Variants in ABCC5 observed in about 807,000 individuals in gnomAD.
The protein encoded by ABCC5 is ATP-binding cassette sub-family C member 5.
A neutral mutation model predicts 160.9 loss-of-function variants in ABCC5; 61 were observed. That is an observed-to-expected ratio of 0.38 (90% confidence interval 0.31 to 0.47). ABCC5 has a LOEUF of 0.47. Ranked by LOEUF, ABCC5 falls within the 20% of genes least tolerant of loss-of-function variation. ABCC5 has a pLI of 0.99. For synonymous variants in ABCC5, 666 were observed against 700.6 expected (o/e 0.95, Z 0.78); for missense variants, 1,308 against 1,813.3 (o/e 0.72, Z 5.06).
intron 26 of ABCC5, 91 bp from the exon 27 acceptor site, chr3:183,928,916 T>C (rs1017376003): frequency 1.2e-5 from 13 of 1,048,990 alleles, no homozygotes; most frequent in Admixed American, 5.7e-5. Flanking sequence ...CACACATGCA[T>C]AGGGAGAGAA....
At position 183,951,539 on chromosome 3, in the gene ABCC5, T is replaced by A; in HGVS notation, c.2846A>T (p.Asp949Val). 1 of 1,614,214 alleles carries A rather than the reference T, an allele frequency of 6.2e-7. No individual in the cohort carries two copies. Among genetic ancestry groups the A allele is most frequent in the Non-Finnish European group, 8.5e-7 (1 of 1,180,040 alleles). ...GTLRASSRLHDELFRRILRSP... is the reference protein window; with the variant it reads ...GTLRASSRLHVELFRRILRSP... Reference sequence around the variant, plus strand: ...TCGAAGGATCCTTCGGAAAAGCTCGTCATGCAGCCGGGAGGAAGCTCGCAG... The same window carrying A: ...TCGAAGGATCCTTCGGAAAAGCTCGACATGCAGCCGGGAGGAAGCTCGCAG... The change falls in exon 20 of 30, where the codon GAC (aspartate) becomes GTC (valine). Residue 949 changes from aspartate to valine, a missense_variant. By Grantham distance (152) the Asp-to-Val change is radical. Coordinates refer to ENST00000334444, the MANE Select transcript of ABCC5 (RefSeq NM_005688.4). This position sits in a 1 kb window ranked among gnomAD's most constrained non-coding sequence, Gnocchi z 4.7.
At chr3:183,925,749 C>G (rs758404388) in intron 28 of ABCC5, 30 bp from the exon 29 acceptor site, 45 of 1,599,700 alleles carry the variant, frequency 2.8e-5, no homozygotes, top group Non-Finnish European at 3.8e-5. Context: ...GAAAGAAACT[C>G]GATTAAATTC....
intron 10 of ABCC5, among the ~76,000 whole-genome samples, chr3:183,974,026 C>T (rs1718000766): frequency 6.6e-6 from 1 of 152,204 alleles, no homozygotes; most frequent in South Asian, 2.1e-4. Context: ...GATCACTCTG[C>T]CCTGACGTGC....
chr3:183,987,755 A>T lies in ABCC5; in HGVS notation c.591+15T>A, dbSNP rs766987469. On this transcript the variant is annotated intron_variant, in intron 5 of 29. Transcript: ENST00000334444. The surrounding 1 kb of genome is among the most constrained non-coding windows in gnomAD (Gnocchi z 4.2). ...GGGCCCCTGGAGACTGTCGGAAAGG[A>T]TGGTTAGAACTTACTGGTCCACTGA... 7 of 1,614,046 alleles carry T rather than the reference A, an allele frequency of 4.3e-6. No individual in the cohort carries two copies. Among genetic ancestry groups the T allele is most frequent in the Admixed American group, 1.7e-5 (1 of 60,004 alleles).
intron 2 of ABCC5, among the ~76,000 whole-genome samples, chr3:183,995,298 A>G (rs150307376): frequency 9.6e-4 from 146 of 152,264 alleles, no homozygotes; most frequent in African/African-American, 3.3e-3. Flanking sequence ...TTTGAAGTCT[A>G]ATTTACCAAT....
At chr3:183,964,176 T>C (rs1717021566) in intron 14 of ABCC5, among the ~76,000 whole-genome samples, 1 of 152,196 alleles carries the variant, frequency 6.6e-6, no homozygotes, top group Non-Finnish European at 1.5e-5. Flanking sequence ...CCCAACCTCT[T>C]TCCCGCTAGT....
chr3:183,954,302 C>T (rs1715664844), intron 17 of ABCC5, among the ~76,000 whole-genome samples: 1 of 152,190 alleles, frequency 6.6e-6, no homozygotes, highest in Non-Finnish European at 1.5e-5. Flanking sequence ...GCGCCCGCCA[C>T]CACGCCTGGC....
chr3:183,942,596 T>C (rs1560480032), intron 25 of ABCC5, 131 bp downstream of exon 25: 11 of 1,135,736 alleles, frequency 9.7e-6, no homozygotes, highest in East Asian at 5.0e-5. Flanking sequence ...ACCTAGAAAA[T>C]TGGTTTCAGT....
At chr3:184,013,668 C>T (rs1180122194) in intron 2 of ABCC5, among the ~76,000 whole-genome samples, 1 of 152,170 alleles carries the variant, frequency 6.6e-6, no homozygotes, top group African/African-American at 2.4e-5. Context: ...CCATGACCCC[C>T]TCCCCCTCAA....
chr3:183,921,945 C>T lies in ABCC5; in HGVS notation c.4213-544G>A, dbSNP rs1362092069. Reference sequence around the variant, plus strand: ...ACTTGGGAGGCTGAGGCAGGAGAATCGCTTGAACCCAGGAGGTGGAGGTTG... The same window carrying T: ...ACTTGGGAGGCTGAGGCAGGAGAATTGCTTGAACCCAGGAGGTGGAGGTTG... On this transcript the variant is annotated intron_variant, in intron 29 of 29. Coordinates refer to ENST00000334444, the MANE Select transcript of ABCC5 (RefSeq NM_005688.4). This position sits in a 1 kb window ranked among gnomAD's most constrained non-coding sequence, Gnocchi z 4.1. Among the ~76,000 whole-genome samples the T allele has an allele frequency of 2.6e-5, 4 of 151,926 alleles. No individual in the cohort carries two copies. Among genetic ancestry groups the T allele is most frequent in the East Asian group, 1.9e-4 (1 of 5,186 alleles).
At position 183,989,397 on chromosome 3, in the gene ABCC5, T is replaced by C. The variant is rs1168622632; in HGVS notation, c.130-14A>G. 2.5e-6 allele frequency: 4 copies of C among 1,613,106 alleles called. No homozygotes were observed. Among genetic ancestry groups the C allele is most frequent in the East Asian group, 2.2e-5 (1 of 44,844 alleles). ...TTGGCATTCCAACTGTTCCAGCAGATAGGGAGAAAGGCAAGAGCACAGTTA... is the reference window on the plus strand; with the variant it reads ...TTGGCATTCCAACTGTTCCAGCAGACAGGGAGAAAGGCAAGAGCACAGTTA... On this transcript the variant is annotated splice_polypyrimidine_tract_variant and intron_variant, in intron 2 of 29. Coordinates refer to ENST00000334444, the MANE Select transcript of ABCC5 (RefSeq NM_005688.4).
chr3:183,998,374 T>C (rs964466109), intron 2 of ABCC5, among the ~76,000 whole-genome samples: 2 of 152,226 alleles, frequency 1.3e-5, no homozygotes, highest in African/African-American at 4.8e-5. Flanking sequence ...ATCTTCCTTG[T>C]GTACAGCCAA....
intron 2 of ABCC5, 111 bp downstream of exon 2, chr3:184,014,153 G>A (rs1004738354): frequency 2.1e-5 from 20 of 974,136 alleles, no homozygotes; most frequent in African/African-American, 1.2e-4. Context: ...GTTTATAGGC[G>A]TGAGCCACCG....
chr3:183,988,498 G>A lies in ABCC5; in HGVS notation c.443+74C>T, dbSNP rs1576905651. The A allele has an allele frequency of 1.3e-6, 2 of 1,528,470 alleles. No homozygotes were observed. The highest frequency in any genetic ancestry group is 2.3e-5 in the East Asian group (1 of 44,412). The allele number at this position is 1,528,470 out of a possible 1,614,324, so 94.7% of individuals were successfully genotyped here. Reference sequence around the variant, plus strand: ...CTCGGCTCTTTAAAGACACAGAGCTGTGGACTTCACACTCCTAGCTCAGGC... The same window carrying A: ...CTCGGCTCTTTAAAGACACAGAGCTATGGACTTCACACTCCTAGCTCAGGC... On this transcript the variant is annotated intron_variant, in intron 4 of 29. Transcript: ENST00000334444. This position sits in a 1 kb window ranked among gnomAD's most constrained non-coding sequence, Gnocchi z 4.4.
chr3:183,928,253 A>C (rs1577452783), intron 27 of ABCC5, among the ~76,000 whole-genome samples: 1 of 152,020 alleles, frequency 6.6e-6, no homozygotes, highest in African/African-American at 2.4e-5. Flanking sequence ...CTGGGATTAC[A>C]GGTGCATGCC....
At chr3:183,975,644 T>G (rs1256221028) in intron 10 of ABCC5, among the ~76,000 whole-genome samples, 1 of 151,770 alleles carries the variant, frequency 6.6e-6, no homozygotes, top group East Asian at 1.9e-4. Context: ...AGGCTGGCCA[T>G]AAATACTTGT....
At chr3:183,944,429 GA>G (rs1375727118) in intron 24 of ABCC5, among the ~76,000 whole-genome samples, 1 of 151,760 alleles carries the variant, frequency 6.6e-6, no homozygotes, top group East Asian at 1.9e-4. Context: ...ATTAAAAAAG[GA>G]AAAAAAGAAA....
chr3:183,987,587 C>A lies in ABCC5; in HGVS notation c.591+183G>T. ...GCCAGTTCCATTTCTTCTCTGGCAACACTGCCCTTTCATCCTTCCAGCTGT... is the reference window on the plus strand; with the variant it reads ...GCCAGTTCCATTTCTTCTCTGGCAAAACTGCCCTTTCATCCTTCCAGCTGT... On this transcript the variant is annotated intron_variant, in intron 5 of 29. Coordinates refer to ENST00000334444, the MANE Select transcript of ABCC5 (RefSeq NM_005688.4). The surrounding 1 kb of genome is among the most constrained non-coding windows in gnomAD (Gnocchi z 4.2). 1 of 757,854 alleles carries A rather than the reference C, an allele frequency of 1.3e-6. No homozygotes were observed. Among genetic ancestry groups the A allele is most frequent in the Non-Finnish European group, 2.2e-6 (1 of 451,270 alleles). 46.9% of individuals were successfully genotyped at this position (757,854 alleles called of 1,614,324 possible).
At position 183,983,138 on chromosome 3, in the gene ABCC5, GAAGACCC is replaced by G; in HGVS notation, c.592-138_592-132del. ...AGTGCGCAAGCAAAGCAAAACTTTG[GAAGACCC>G]AATTATTACAAGCTGCCTGCAGTAA... is the stretch of plus-strand genomic sequence containing the variant. On this transcript the variant is annotated intron_variant, in intron 5 of 29. Coordinates refer to ENST00000334444, the MANE Select transcript of ABCC5 (RefSeq NM_005688.4). 4.9e-6 allele frequency: 4 copies of G among 818,566 alleles called. 1 individual carries two copies. The South Asian group carries it at 6.7e-5, about 14-fold the overall frequency. The allele number at this position is 818,566 out of a possible 1,614,324, so 50.7% of individuals were successfully genotyped here.
Sources: gnomAD v4.1 joint callset for allele counts (sites outside exome capture counted in the v4.1 genomes callset) on GRCh38, gnomAD v4.1.1 for gene constraint, Gnocchi (gnomAD v3.1) non-coding constraint, MANE v1.5 for transcripts, NCBI Gene and HGNC (gene_info 2026-07-23, HGNC 2026-07-21) for gene names.